Variants in FAF1 observed in about 807,000 individuals in gnomAD.
The protein encoded by FAF1 is Fas associated factor 1.
FAF1 carries 25 observed loss-of-function variants against 92.5 expected under a neutral mutation model. The observed-to-expected ratio is 0.27, with a 90% CI of 0.20 to 0.38. The LOEUF (loss-of-function observed/expected upper bound fraction) is 0.38. Ranked by LOEUF, FAF1 falls within the 10% of genes least tolerant of loss-of-function variation. FAF1 has a pLI of 1.00. For synonymous variants in FAF1, 234 were observed against 273.2 expected (o/e 0.86, Z 1.42); for missense variants, 636 against 793.3 (o/e 0.80, Z 2.38).
At chr1:50,718,236 G>C (rs2124448937) in intron 6 of FAF1, among the ~76,000 whole-genome samples, 1 of 152,162 alleles carries the variant, frequency 6.6e-6, no homozygotes, top group East Asian at 1.9e-4. Context: ...TCACCATGTT[G>C]ACCAGGCTGG....
At chr1:50,594,871 CAA>C (rs1179619100) in intron 9 of FAF1, among the ~76,000 whole-genome samples, 1,754 of 95,152 alleles carry the variant, frequency 0.018, 38 homozygotes, top group African/African-American at 0.059. Flanking sequence ...AACCCCATCT[CAA>C]AAAAAAAAAA....
At chr1:50,609,613 C>T (rs142272863) in intron 8 of FAF1, among the ~76,000 whole-genome samples, 205 of 152,204 alleles carry the variant, frequency 1.3e-3, no homozygotes, top group Non-Finnish European at 2.3e-3. Flanking sequence ...AACTCCTGGG[C>T]TCAAGCAATC....
chr1:50,556,859 AAAATAAAATAAAATAAAAT>A (rs1557993921), intron 13 of FAF1, among the ~76,000 whole-genome samples: 1 of 151,654 alleles, frequency 6.6e-6, no homozygotes, highest in African/African-American at 2.4e-5. Context: ...AAAATAATAT[AAAATAAAATAAAATAAAAT>A]AAATAAAATA....
intron 12 of FAF1, among the ~76,000 whole-genome samples, chr1:50,578,772 T>C (rs1380865683): frequency 6.6e-6 from 1 of 151,228 alleles, no homozygotes; most frequent in East Asian, 1.9e-4. Context: ...TTACAATTAC[T>C]ATACGTACAC....
chr1:50,482,269 G>A (rs894650241), intron 17 of FAF1, among the ~76,000 whole-genome samples: 1 of 152,032 alleles, frequency 6.6e-6, no homozygotes, highest in Admixed American at 6.6e-5. Context: ...ATATATTTGA[G>A]ATTCATCCAT....
chr1:50,464,178 A>AT (rs1206882526), intron 18 of FAF1, among the ~76,000 whole-genome samples: 4 of 151,934 alleles, frequency 2.6e-5, no homozygotes, highest in African/African-American at 7.3e-5. Flanking sequence ...TTAAATTTTT[A>AT]TTTTTTATAG....
chr1:50,688,705 G>A (rs530246086), intron 7 of FAF1, among the ~76,000 whole-genome samples: 39 of 152,192 alleles, frequency 2.6e-4, no homozygotes, highest in South Asian at 2.3e-3. Flanking sequence ...CCAGTTACTC[G>A]GGAGGCTGAG....
chr1:50,638,434 T>G (rs948243527), intron 8 of FAF1, among the ~76,000 whole-genome samples: 1 of 147,116 alleles, frequency 6.8e-6, no homozygotes, highest in Non-Finnish European at 1.5e-5. Context: ...TTGCTTTTTC[T>G]TTTTCTTTTT....
intron 1 of FAF1, among the ~76,000 whole-genome samples, chr1:50,916,020 T>A (rs942777339): frequency 1.3e-5 from 2 of 152,196 alleles, no homozygotes; most frequent in African/African-American, 4.8e-5. Context: ...CAGCCCTCTG[T>A]TTGATAATTC....
chr1:50,526,174 T>C (rs1416176080), intron 15 of FAF1, among the ~76,000 whole-genome samples: 3 of 152,140 alleles, frequency 2.0e-5, no homozygotes, highest in Admixed American at 6.5e-5. Context: ...TCCCATTTTT[T>C]GTAGAGATAG....
chr1:50,896,065 CAAAT>C (rs1644755509), intron 1 of FAF1, among the ~76,000 whole-genome samples: 1 of 152,104 alleles, frequency 6.6e-6, no homozygotes, highest in Non-Finnish European at 1.5e-5. Flanking sequence ...ACAAGGGAAA[CAAAT>C]AAAGGGTATC....
intron 8 of FAF1, among the ~76,000 whole-genome samples, chr1:50,610,175 C>A (rs1652623052): frequency 6.6e-6 from 1 of 152,184 alleles, no homozygotes; most frequent in Non-Finnish European, 1.5e-5. Flanking sequence ...TGATGACTTG[C>A]AGGTCATTCA....
intron 2 of FAF1, 80 bp from the exon 3 acceptor site, chr1:50,801,757 T>C (rs1661999231): frequency 2.5e-6 from 2 of 805,598 alleles, no homozygotes; most frequent in Non-Finnish European, 4.3e-6. Context: ...TAAAAGGAAA[T>C]AAGTATATTT....
intron 2 of FAF1, among the ~76,000 whole-genome samples, chr1:50,831,787 G>A (rs1187733072): frequency 7.6e-6 from 1 of 132,364 alleles, no homozygotes; most frequent in Non-Finnish European, 1.6e-5. Context: ...GAACCCATAA[G>A]AGTATCCTTA....
intron 2 of FAF1, among the ~76,000 whole-genome samples, chr1:50,804,561 A>C (rs1283266654): frequency 6.6e-6 from 1 of 152,176 alleles, no homozygotes; most frequent in Admixed American, 6.5e-5. Context: ...ATGAGGCCTA[A>C]GGTTATTAGA....
intron 18 of FAF1, chr1:50,462,231 C>A (rs568289900): frequency 6.6e-6 from 1 of 151,828 alleles, no homozygotes; most frequent in Non-Finnish European, 1.5e-5. Context: ...CTGAGTCCTA[C>A]GAATCTTCCT....
intron 2 of FAF1, among the ~76,000 whole-genome samples, chr1:50,820,201 T>G (rs182435181): frequency 3.9e-5 from 6 of 152,144 alleles, no homozygotes; most frequent in African/African-American, 1.4e-4. Context: ...ATGAAAAAGT[T>G]CTGGAGATTT....
intron 5 of FAF1, among the ~76,000 whole-genome samples, chr1:50,743,719 CTA>C (rs1469343142): frequency 6.6e-6 from 1 of 152,188 alleles, no homozygotes; most frequent in Non-Finnish European, 1.5e-5. Flanking sequence ...CCTCAAACAT[CTA>C]AAACTCTAGA....
Position 50,788,171 on chromosome 1 carries a change from A to C in FAF1, c.196T>G (p.Phe66Val), listed in dbSNP as rs1435882499. The C allele has an allele frequency of 3.7e-6, 6 of 1,614,138 alleles. No homozygotes were observed. In the South Asian group the frequency reaches 5.5e-5, roughly 15 times the overall value. ...GAAGCTGGATGACTTGCTGGATTAA[A>C]TGCAGGTCCTGGTATGGTCTCACCT... ...YGGETIPGPA[F>V]NPASHPASAP... The change falls in exon 4 of 19, where the codon TTT (phenylalanine) becomes GTT (valine). Residue 66 changes from phenylalanine to valine, a missense_variant. By Grantham distance (50) the Phe-to-Val change is conservative. Around this residue, in one of 2 missense-constraint regions of FAF1, gnomAD observed 317 missense variants for 342.4 expected, o/e 0.93. Coordinates refer to ENST00000396153, the MANE Select transcript of FAF1 (RefSeq NM_007051.3).
Sources: gnomAD v4.1 joint callset for allele counts (sites outside exome capture counted in the v4.1 genomes callset) on GRCh38, gnomAD v4.1.1 for gene constraint, gnomAD v4.1.1 regional missense constraint, MANE v1.5 for transcripts, NCBI Gene and HGNC (gene_info 2026-07-23, HGNC 2026-07-21) for gene names.